The following LPP variants were observed in gnomAD, a reference collection of about 807,000 sequenced individuals.
LPP encodes the protein LIM domain containing preferred translocation partner in lipoma, also known as lipoma-preferred partner.
A neutral mutation model predicts 60.4 loss-of-function variants in LPP; 38 were observed. That is an observed-to-expected ratio of 0.63 (90% CI 0.49 to 0.83). The LOEUF (loss-of-function observed/expected upper bound fraction) is 0.83. Ranked by LOEUF, LPP falls within the 40% of genes least tolerant of loss-of-function variation. The pLI is 0.00. For missense variants in LPP, 902 were observed against 783.6 expected, an observed-to-expected ratio of 1.15 and a Z score of -1.80; for synonymous variants, 328 against 290.8, an observed-to-expected ratio of 1.13 and a Z score of -1.30.
intron 5 of LPP, among the ~76,000 whole-genome samples, chr3:188,518,981 C>G (rs933406646): frequency 6.6e-6 from 1 of 151,920 alleles, no homozygotes; most frequent in Non-Finnish European, 1.5e-5. Context: ...AAATCGTTAA[C>G]GTATTAGGCA....
At chr3:188,206,754 A>T (rs574606984) in intron 1 of LPP, among the ~76,000 whole-genome samples, 102 of 152,312 alleles carry the variant, frequency 6.7e-4, no homozygotes, top group African/African-American at 2.3e-3. Flanking sequence ...TATGTGAAGC[A>T]GTTAGTTTTG....
At chr3:188,251,862 C>T (rs1331068861) in intron 2 of LPP, among the ~76,000 whole-genome samples, 2 of 151,352 alleles carry the variant, frequency 1.3e-5, no homozygotes, top group African/African-American at 2.4e-5. Flanking sequence ...CCTTCCCATC[C>T]TAGTTTGTTT....
intron 6 of LPP, among the ~76,000 whole-genome samples, chr3:188,584,877 T>G (rs990892147): frequency 1.3e-5 from 2 of 152,160 alleles, no homozygotes; most frequent in Non-Finnish European, 2.9e-5. Context: ...GTGATATAAA[T>G]TTATCCCTCC....
intron 6 of LPP, among the ~76,000 whole-genome samples, chr3:188,546,597 A>G (rs1826721684): frequency 6.6e-6 from 1 of 152,170 alleles, no homozygotes; most frequent in Admixed American, 6.5e-5. Flanking sequence ...AGTCTACGGA[A>G]TCTAGGGAAG....
At chr3:188,733,550 A>T (rs1721419342) in intron 8 of LPP, among the ~76,000 whole-genome samples, 1 of 152,048 alleles carries the variant, frequency 6.6e-6, no homozygotes, top group African/African-American at 2.4e-5. Context: ...TTCTAGTTTC[A>T]TTTCTTTTCA....
At chr3:188,330,888 TAA>T (rs1759852111) in intron 2 of LPP, among the ~76,000 whole-genome samples, 3 of 146,798 alleles carry the variant, frequency 2.0e-5, no homozygotes, top group South Asian at 2.2e-4. Flanking sequence ...AATAAATAAA[TAA>T]ATACGTAAGA....
At chr3:188,686,253 G>A (rs896239769) in intron 7 of LPP, among the ~76,000 whole-genome samples, 2 of 152,218 alleles carry the variant, frequency 1.3e-5, no homozygotes, top group African/African-American at 4.8e-5. Flanking sequence ...CTACCAAAGT[G>A]CATGGCACTT....
chr3:188,675,453 T>G (rs904259219), intron 7 of LPP, among the ~76,000 whole-genome samples: 1 of 152,226 alleles, frequency 6.6e-6, no homozygotes, highest in Admixed American at 6.5e-5. Context: ...AGACTGTGAA[T>G]AGCTCCTAGC....
chr3:188,708,526 G>A (rs546573845), intron 8 of LPP, 133 bp downstream of exon 8: 106 of 1,149,122 alleles, frequency 9.2e-5, no homozygotes, highest in African/African-American at 8.3e-4. Flanking sequence ...ATACATCCCC[G>A]CACAACTAAG....
At chr3:188,659,093 G>T (rs1396048083) in intron 7 of LPP, among the ~76,000 whole-genome samples, 2 of 152,124 alleles carry the variant, frequency 1.3e-5, no homozygotes, top group African/African-American at 4.8e-5. Context: ...CTTAGTAAGT[G>T]TTAAAAAATA....
chr3:188,165,111 A>C (rs1326831858), intron 1 of LPP, among the ~76,000 whole-genome samples: 3 of 152,046 alleles, frequency 2.0e-5, no homozygotes, highest in Non-Finnish European at 4.4e-5. Flanking sequence ...ATCTCTAAAA[A>C]AATAAAAATA....
At chr3:188,754,223 G>A (rs1298457783) in intron 8 of LPP, among the ~76,000 whole-genome samples, 3 of 152,240 alleles carry the variant, frequency 2.0e-5, no homozygotes, top group African/African-American at 4.8e-5. Context: ...ATTAATATAA[G>A]TAAACCACTT....
At chr3:188,191,546 G>A (rs1419138606) in intron 1 of LPP, among the ~76,000 whole-genome samples, 1 of 152,210 alleles carries the variant, frequency 6.6e-6, no homozygotes, top group Non-Finnish European at 1.5e-5. Context: ...CCAGTGGTCA[G>A]AGAGATGGCT....
At chr3:188,675,871 G>C (rs938208355) in intron 7 of LPP, among the ~76,000 whole-genome samples, 2 of 152,150 alleles carry the variant, frequency 1.3e-5, no homozygotes, top group South Asian at 2.1e-4. Context: ...CAGGAATCAT[G>C]TCTTCAGAGT....
chr3:188,437,743 G>A (rs1287692234), intron 4 of LPP, among the ~76,000 whole-genome samples: 7 of 152,122 alleles, frequency 4.6e-5, no homozygotes, highest in Non-Finnish European at 7.3e-5. Flanking sequence ...ATTACTGGTC[G>A]TTTGTGTTAT....
At chr3:188,730,197 A>G (rs1441594025) in intron 8 of LPP, among the ~76,000 whole-genome samples, 1 of 152,212 alleles carries the variant, frequency 6.6e-6, no homozygotes, top group Non-Finnish European at 1.5e-5. Flanking sequence ...AAATATTTCA[A>G]GATCCTGATG....
At chr3:188,446,673 A>C (rs1578958666) in intron 4 of LPP, among the ~76,000 whole-genome samples, 1 of 151,930 alleles carries the variant, frequency 6.6e-6, no homozygotes, top group East Asian at 1.9e-4. Flanking sequence ...CATTGCTTTC[A>C]TTGTTGTTCT....
intron 6 of LPP, among the ~76,000 whole-genome samples, chr3:188,558,199 C>T (rs1039137189): frequency 2.6e-5 from 4 of 152,068 alleles, no homozygotes; most frequent in South Asian, 2.1e-4. Flanking sequence ...AACACCAGAA[C>T]GAAAACGCAT....
At chr3:188,740,653 A>G (rs571827876) in intron 8 of LPP, among the ~76,000 whole-genome samples, 1 of 152,056 alleles carries the variant, frequency 6.6e-6, no homozygotes, top group East Asian at 1.9e-4. Context: ...ACCATTTAGA[A>G]GTCTTTTGTC....
Sources: allele counts gnomAD v4.1 joint callset (sites outside exome capture counted in the v4.1 genomes callset), GRCh38; gene constraint gnomAD v4.1.1; transcripts MANE v1.5; gene names NCBI Gene and HGNC (gene_info 2026-07-23, HGNC 2026-07-21).